The following LYRM4 variants were observed in gnomAD, a reference collection of about 807,000 sequenced individuals.
LYRM4 encodes LYR motif-containing protein 4.
In LYRM4, 9 loss-of-function variants were observed where a neutral mutation model predicts 11.7. The observed-to-expected ratio is 0.77, with a 90% CI of 0.46 to 1.34. LYRM4 has a LOEUF of 1.34. Among genes scored for constraint, LYRM4 ranks in the 40% most tolerant of loss-of-function variants. The probability of loss-of-function intolerance (pLI) is 0.00; values close to 1 mark genes in which losing one functional copy is unlikely to be tolerated. For synonymous variants in LYRM4, 42 were observed against 40.4 expected (o/e 1.04, Z -0.15); for missense variants, 133 against 112.5 (o/e 1.18, Z -0.82).
chr6:5,034,517 T>C, the LYRM4 span: 1 of 152,210 alleles, frequency 6.6e-6, no homozygotes. Flanking sequence ...CTCTTCTGAG[T>C]TCCCATGAGA....
intron 2 of LYRM4, among the ~76,000 whole-genome samples, chr6:5,119,995 A>T (rs1763350077): frequency 6.6e-6 from 1 of 151,726 alleles, no homozygotes; most frequent in Non-Finnish European, 1.5e-5. Flanking sequence ...CCTGGGTTCA[A>T]GCGATTCTTC....
the LYRM4 span, among the ~76,000 whole-genome samples, chr6:5,035,675 C>T: frequency 0.37 from 14 of 38 alleles, 5 homozygotes; most frequent in East Asian, 1. Context: ...TTCCCCTCCT[C>T]CCCTCCCTCC....
At chr6:5,204,975 G>A (rs993117974) in intron 2 of LYRM4, among the ~76,000 whole-genome samples, 15 of 152,142 alleles carry the variant, frequency 9.9e-5, no homozygotes, top group African/African-American at 7.2e-5. Flanking sequence ...GAGTTTCAGC[G>A]GAACTCCCTA....
At chr6:5,163,738 C>T (rs760115396) in intron 2 of LYRM4, among the ~76,000 whole-genome samples, 62 of 151,732 alleles carry the variant, frequency 4.1e-4, no homozygotes, top group Non-Finnish European at 7.8e-4. Flanking sequence ...CTCAGCCTCC[C>T]GAGTAGCTGA....
At chr6:5,136,791 C>G (rs958778246) in intron 2 of LYRM4, 2 of 985,246 alleles carry the variant, frequency 2.0e-6, no homozygotes, top group African/African-American at 3.5e-5. Flanking sequence ...CAGAGGGCTC[C>G]GCACAGAAGA....
intron 2 of LYRM4, among the ~76,000 whole-genome samples, chr6:5,143,193 G>A (rs1343958456): frequency 9.0e-6 from 1 of 111,098 alleles, no homozygotes. Flanking sequence ...GGCCAAGCCT[G>A]CACCACAAGC....
intron 2 of LYRM4, among the ~76,000 whole-genome samples, chr6:5,153,458 G>C (rs1289820958): frequency 6.6e-6 from 1 of 152,244 alleles, no homozygotes; most frequent in East Asian, 1.9e-4. Flanking sequence ...TGCCTGCCCA[G>C]CTGGGCAGAG....
At chr6:5,047,890 G>A in the LYRM4 span, among the ~76,000 whole-genome samples, 1 of 152,172 alleles carries the variant, frequency 6.6e-6, no homozygotes, top group African/African-American at 2.4e-5. Flanking sequence ...GAGTAGCTCT[G>A]TGCCCTGGGT....
At chr6:5,190,994 A>G (rs1561859865) in intron 2 of LYRM4, among the ~76,000 whole-genome samples, 1 of 152,188 alleles carries the variant, frequency 6.6e-6, no homozygotes, top group Non-Finnish European at 1.5e-5. Flanking sequence ...GTGCCTTAAG[A>G]GCATAAGAGC....
chr6:5,225,603 A>G (rs1452783474), intron 1 of LYRM4, among the ~76,000 whole-genome samples: 1 of 152,254 alleles, frequency 6.6e-6, no homozygotes, highest in Non-Finnish European at 1.5e-5. Flanking sequence ...TCATTTAGGT[A>G]GCCGTTTATT....
intron 2 of LYRM4, among the ~76,000 whole-genome samples, chr6:5,118,709 C>CA (rs201250276): frequency 5.3e-5 from 8 of 150,528 alleles, no homozygotes; most frequent in East Asian, 1.9e-4. Flanking sequence ...TTTCCCAATT[C>CA]AAAAAAAAAG....
intron 2 of LYRM4, among the ~76,000 whole-genome samples, chr6:5,146,598 C>G (rs1757740697): frequency 6.6e-6 from 1 of 152,122 alleles, no homozygotes; most frequent in Non-Finnish European, 1.5e-5. Flanking sequence ...TGAAGCGGGC[C>G]TCTTCCCAGC....
intron 1 of LYRM4, among the ~76,000 whole-genome samples, chr6:5,223,824 T>G (rs1762726621): frequency 6.6e-6 from 1 of 152,230 alleles, no homozygotes; most frequent in Non-Finnish European, 1.5e-5. Flanking sequence ...AAATCCATTT[T>G]GGAGATCAAA....
At chr6:5,098,882 A>C (rs1762416517), downstream of LYRM4, among the ~76,000 whole-genome samples, 1 of 152,154 alleles carries the variant, frequency 6.6e-6, no homozygotes, top group African/African-American at 2.4e-5. Flanking sequence ...ACTCAATCCT[A>C]ACTCTCAGAT....
chr6:5,142,638 C>T (rs1376540808), intron 2 of LYRM4, among the ~76,000 whole-genome samples: 1 of 152,202 alleles, frequency 6.6e-6, no homozygotes, highest in Non-Finnish European at 1.5e-5. Flanking sequence ...ACCATTCAAC[C>T]ATTCCCCACC....
intron 1 of LYRM4, among the ~76,000 whole-genome samples, chr6:5,254,569 G>C (rs1016559463): frequency 3.3e-5 from 5 of 152,168 alleles, no homozygotes; most frequent in Non-Finnish European, 7.3e-5. Flanking sequence ...TAGGAATAGA[G>C]ATAAGACAGA....
chr6:5,230,724 T>C (rs984280620), intron 1 of LYRM4, among the ~76,000 whole-genome samples: 1 of 152,300 alleles, frequency 6.6e-6, no homozygotes, highest in African/African-American at 2.4e-5. Context: ...AAATTTCCTA[T>C]GGAAATAGGA....
At chr6:5,038,667 G>C in the LYRM4 span, among the ~76,000 whole-genome samples, 31,007 of 60,346 alleles carry the variant, frequency 0.51, 14,179 homozygotes, top group East Asian at 0.83. Context: ...GCGGATCACT[G>C]GCAGTTAGGA....
chr6:5,154,598 T>C (rs576616641), intron 2 of LYRM4, among the ~76,000 whole-genome samples: 315 of 152,256 alleles, frequency 2.1e-3, no homozygotes, highest in African/African-American at 7.1e-3. Context: ...GGGCAGATCA[T>C]GAGGTCAGGA....
Sources: gnomAD v4.1 joint callset for allele counts (sites outside exome capture counted in the v4.1 genomes callset) on GRCh38, gnomAD v4.1.1 for gene constraint, MANE v1.5 for transcripts, NCBI Gene and HGNC (gene_info 2026-07-23, HGNC 2026-07-21) for gene names.